TMEM161B: variants seen among roughly 807,000 people sequenced by gnomAD.
The protein encoded by TMEM161B is transmembrane protein 161B.
A neutral mutation model predicts 61.8 loss-of-function variants in TMEM161B; 34 were observed. That is an observed-to-expected ratio of 0.55 (90% CI 0.42 to 0.73). The LOEUF (loss-of-function observed/expected upper bound fraction) is 0.73. TMEM161B is among the 30% of genes least tolerant of loss of function. TMEM161B has a pLI of 0.00. For synonymous variants in TMEM161B, 167 were observed against 192.8 expected, an observed-to-expected ratio of 0.87 and a Z score of 1.11; for missense variants, 456 against 558.5, an observed-to-expected ratio of 0.82 and a Z score of 1.85.
At chr5:88,266,883 A>G (rs1756443815) in intron 1 of TMEM161B, among the ~76,000 whole-genome samples, 1 of 152,244 alleles carries the variant, frequency 6.6e-6, no homozygotes. Flanking sequence ...GAAGGAAAAG[A>G]GCCAACTAGT....
At chr5:88,235,861 G>A (rs1751762530) in intron 2 of TMEM161B, among the ~76,000 whole-genome samples, 1 of 152,252 alleles carries the variant, frequency 6.6e-6, no homozygotes, top group African/African-American at 2.4e-5. Flanking sequence ...TAGCTAAAAT[G>A]CTATTTGTTG....
intron 1 of TMEM161B, 58 bp downstream of exon 1, chr5:88,268,662 TG>T: frequency 6.2e-7 from 1 of 1,612,976 alleles, no homozygotes; most frequent in South Asian, 1.1e-5. Context: ...TTCACAGTAC[TG>T]ACCTCCCCGC....
intron 4 of TMEM161B, 94 bp downstream of exon 4, chr5:88,225,675 C>A: frequency 1.4e-6 from 1 of 716,794 alleles, no homozygotes; most frequent in South Asian, 2.0e-5. Flanking sequence ...ATTCCATATT[C>A]TCTATAATGG....
chr5:88,243,856 C>T lies in TMEM161B; in HGVS notation c.4-2940G>A, dbSNP rs547338637. ...TTCTCTAATGATTAGTGATGTTTAG[C>T]ATTTTTTCATATGTTTGTTGGCCAC... On this transcript the variant is annotated intron_variant, in intron 1 of 11. Transcript: ENST00000296595. Among the ~76,000 whole-genome samples, 16 of 151,990 alleles carry T rather than the reference C, an allele frequency of 1.1e-4. No individual in the cohort carries two copies. In the East Asian group the frequency reaches 2.9e-3, roughly 28 times the overall value.
At chr5:88,217,203 A>T (rs1295468484) in intron 5 of TMEM161B, among the ~76,000 whole-genome samples, 1 of 152,168 alleles carries the variant, frequency 6.6e-6, no homozygotes, top group African/African-American at 2.4e-5. Flanking sequence ...GCTGCAGTGA[A>T]CTATGATCAT....
chr5:88,247,766 T>C (rs1182089002), intron 1 of TMEM161B, among the ~76,000 whole-genome samples: 1 of 152,016 alleles, frequency 6.6e-6, no homozygotes, highest in East Asian at 1.9e-4. Context: ...CAAACATCAC[T>C]CAACTACCCG....
intron 1 of TMEM161B, among the ~76,000 whole-genome samples, chr5:88,251,782 T>C (rs934856599): frequency 6.6e-6 from 1 of 152,156 alleles, no homozygotes; most frequent in East Asian, 1.9e-4. Context: ...AAAAAGCATA[T>C]GAAAATTCAA....
chr5:88,191,490 T>C (rs1488741598), downstream of TMEM161B, among the ~76,000 whole-genome samples: 1 of 152,222 alleles, frequency 6.6e-6, no homozygotes, highest in Admixed American at 6.5e-5. Flanking sequence ...ATGTATTTAC[T>C]GAAAAATAAC....
chr5:88,190,044 A>G (rs1489452505), exon 13 of TMEM161B: 7 of 699,848 alleles, frequency 1.0e-5, no homozygotes, highest in Non-Finnish European at 1.8e-5. Flanking sequence ...AAATCTAGGA[A>G]TAAGATCTCA....
chr5:88,248,683 A>G (rs979953691), intron 1 of TMEM161B, among the ~76,000 whole-genome samples: 1 of 150,248 alleles, frequency 6.7e-6, no homozygotes, highest in Admixed American at 6.7e-5. Flanking sequence ...GGACAGACAG[A>G]AGCAAATGGA....
chr5:88,252,792 T>C (rs531410567), intron 1 of TMEM161B, among the ~76,000 whole-genome samples: 1 of 152,320 alleles, frequency 6.6e-6, no homozygotes, highest in Admixed American at 6.5e-5. Flanking sequence ...ACATAAAGGA[T>C]GATCAATCTT....
At chr5:88,230,390 TATTA>T (rs1215667211) in intron 2 of TMEM161B, among the ~76,000 whole-genome samples, 1 of 152,220 alleles carries the variant, frequency 6.6e-6, no homozygotes, top group Non-Finnish European at 1.5e-5. Flanking sequence ...GGCCATCAGC[TATTA>T]ATTGTGATGA....
intron 1 of TMEM161B, 86 bp downstream of exon 1, chr5:88,268,635 A>G: frequency 6.3e-7 from 1 of 1,590,220 alleles, no homozygotes; most frequent in Non-Finnish European, 8.6e-7. Context: ...TTCTGAGCAG[A>G]GCACCTGATG....
At chr5:88,208,502 C>G (rs1185266022) in intron 5 of TMEM161B, among the ~76,000 whole-genome samples, 1 of 151,796 alleles carries the variant, frequency 6.6e-6, no homozygotes, top group East Asian at 1.9e-4. Flanking sequence ...ATTAGCCGGG[C>G]ATGGTGGCAC....
chr5:88,249,579 T>C (rs777861528), intron 1 of TMEM161B, among the ~76,000 whole-genome samples: 4 of 152,100 alleles, frequency 2.6e-5, no homozygotes, highest in Non-Finnish European at 5.9e-5. Context: ...GTTTTTACCA[T>C]ATAAGCAAGA....
At chr5:88,245,224 T>C (rs1753421716) in intron 1 of TMEM161B, among the ~76,000 whole-genome samples, 1 of 151,928 alleles carries the variant, frequency 6.6e-6, no homozygotes, top group South Asian at 2.1e-4. Flanking sequence ...GTTCAGTTCA[T>C]TTTTCTACTG....
intron 5 of TMEM161B, among the ~76,000 whole-genome samples, chr5:88,208,871 T>C (rs1746122477): frequency 6.6e-6 from 1 of 152,206 alleles, no homozygotes; most frequent in African/African-American, 2.4e-5. Context: ...TAAAATCTTT[T>C]CAAAACAGAA....
chr5:88,243,501 G>T (rs1753084660), intron 1 of TMEM161B, among the ~76,000 whole-genome samples: 1 of 151,838 alleles, frequency 6.6e-6, no homozygotes, highest in Non-Finnish European at 1.5e-5. Flanking sequence ...TACCACTGAT[G>T]GGCATTTAGG....
chr5:88,268,768 G>T lies in TMEM161B; in HGVS notation c.-45C>A. 6.2e-7 allele frequency: 1 copy of T among 1,613,894 alleles called. No homozygotes were observed. The highest frequency in any genetic ancestry group is 8.5e-7 in the Non-Finnish European group (1 of 1,179,858). ...GGACCAGACACCCTGGAGTTGCCGG[G>T]GCAGTCCCAAACCTCTTACCTCCCG... On this transcript the variant is annotated 5_prime_UTR_variant, in exon 1 of 12. Transcript: ENST00000296595.
Sources: allele counts gnomAD v4.1 joint callset (sites outside exome capture counted in the v4.1 genomes callset), GRCh38; gene constraint gnomAD v4.1.1; transcripts MANE v1.5; gene names NCBI Gene and HGNC (gene_info 2026-07-23, HGNC 2026-07-21).